The following ALPK1 variants were observed in gnomAD, a reference collection of about 807,000 sequenced individuals.
ALPK1 encodes alpha kinase 1, also known as alpha-protein kinase 1.
ALPK1 carries 110 observed loss-of-function variants against 120.6 expected under a neutral mutation model. The ratio of observed to expected loss-of-function variants is 0.91; its 90% CI spans 0.78 to 1.07. The LOEUF is 1.07. Among genes scored for constraint, ALPK1 ranks in the 50% least tolerant of loss-of-function variants. The probability of loss-of-function intolerance (pLI) is 0.00; values close to 1 mark genes in which losing one functional copy is unlikely to be tolerated. For missense variants in ALPK1, 1,498 were observed against 1,483.9 expected, an observed-to-expected ratio of 1.01 and a Z score of -0.16; for synonymous variants, 582 against 560.3, an observed-to-expected ratio of 1.04 and a Z score of -0.55.
chr4:112,370,182 A>G (rs866125271), intron 2 of ALPK1, among the ~76,000 whole-genome samples: 1 of 152,250 alleles, frequency 6.6e-6, no homozygotes, highest in African/African-American at 2.4e-5. Context: ...TTTGTCAATT[A>G]TCCCATAACT....
rs540312542 is a variant in ALPK1 at position 112,377,954 on chromosome 4, C to A, written c.121+56C>A. On this transcript the variant is annotated intron_variant, in intron 3 of 15. Transcript: ENST00000650871. The stretch of plus-strand genomic sequence containing the variant: ...AACCAGCAGGTTCACTCTCCTGTCC[C>A]CTGCCTGAACGACACGTTCTTATCT... 12 of 1,528,496 alleles carry A rather than the reference C, an allele frequency of 7.9e-6. No individual in the cohort carries two copies. The South Asian group carries it at 1.3e-4, about 16-fold the overall frequency. 94.7% of individuals were successfully genotyped at this position (1,528,496 alleles called of 1,614,324 possible).
intron 2 of ALPK1, among the ~76,000 whole-genome samples, chr4:112,319,306 C>T (rs916014748): frequency 1.3e-5 from 2 of 152,156 alleles, no homozygotes; most frequent in Non-Finnish European, 2.9e-5. Context: ...GGGTCATGTA[C>T]ATGTTCAGAA....
chr4:112,328,130 G>A (rs1324477761), intron 2 of ALPK1, among the ~76,000 whole-genome samples: 2 of 152,232 alleles, frequency 1.3e-5, no homozygotes, highest in East Asian at 3.8e-4. Context: ...TTGATGACAG[G>A]ACTTAGTAAA....
intron 4 of ALPK1, among the ~76,000 whole-genome samples, chr4:112,385,339 C>T (rs555271770): frequency 6.6e-6 from 1 of 152,156 alleles, no homozygotes; most frequent in Non-Finnish European, 1.5e-5. Flanking sequence ...ACACAAATTT[C>T]ACAATTGGAG....
At chr4:112,405,622 C>A (rs1318939161) in intron 4 of ALPK1, among the ~76,000 whole-genome samples, 1 of 152,138 alleles carries the variant, frequency 6.6e-6, no homozygotes, top group African/African-American at 2.4e-5. Flanking sequence ...GTCACCCAAG[C>A]TGGAATGCAA....
At chr4:112,329,065 T>C (rs1377430683) in intron 2 of ALPK1, among the ~76,000 whole-genome samples, 1 of 152,214 alleles carries the variant, frequency 6.6e-6, no homozygotes, top group Non-Finnish European at 1.5e-5. Context: ...TGTGCCGTTT[T>C]CATCCCTTTA....
intron 1 of ALPK1, among the ~76,000 whole-genome samples, chr4:112,311,498 C>A (rs1728399033): frequency 6.6e-6 from 1 of 152,180 alleles, no homozygotes; most frequent in Non-Finnish European, 1.5e-5. Context: ...CATCTCTCTA[C>A]CTCAGGCTGC....
chr4:112,422,529 C>G (rs1734045129), intron 5 of ALPK1, among the ~76,000 whole-genome samples: 2 of 152,200 alleles, frequency 1.3e-5, no homozygotes, highest in African/African-American at 4.8e-5. Flanking sequence ...AATTTCTTCA[C>G]TGCCTTTTGT....
At chr4:112,349,554 C>CA (rs1387460110) in intron 2 of ALPK1, among the ~76,000 whole-genome samples, 9 of 141,656 alleles carry the variant, frequency 6.4e-5, no homozygotes, top group Admixed American at 2.8e-4. Flanking sequence ...AACCCCTGCC[C>CA]CCCCCCGCTT....
In ALPK1 at chr4:112,431,693, T is replaced by C; in HGVS notation, c.2146T>C (p.Ser716Pro). 6.2e-7 allele frequency: 1 copy of C among 1,614,166 alleles called. No individual in the cohort carries two copies. The highest frequency in any genetic ancestry group is 8.5e-7 in the Non-Finnish European group (1 of 1,180,038). ...AAATACTTCTGCTCACTCCAGACCC[T>C]CATATCGTTCTGCTTCTTGGTCTTC... ...PRNTSAHSRPSYRSASWSSDS... is the reference protein window; with the variant it reads ...PRNTSAHSRPPYRSASWSSDS... The change falls in exon 11 of 16, where the codon TCA becomes CCA. Residue 716 changes from serine to proline, a missense_variant. Transcript: ENST00000650871.
rs146205084 is a variant in ALPK1, at chr4:112,438,607, T to A, written c.3312T>A (p.Ile1104=). The A allele has an allele frequency of 3.7e-6, 6 of 1,613,712 alleles. No individual in the cohort carries two copies. The African/African-American group carries it at 8.0e-5, about 22-fold the overall frequency. ...EFNKRLYEQN[I]PTQIFYIPST... Reference sequence around the variant, plus strand: ...ACAAGAGACTCTATGAACAAAACATTCCCACCCAGATATTCTACATCCCAT... The same window carrying A: ...ACAAGAGACTCTATGAACAAAACATACCCACCCAGATATTCTACATCCCAT... The change falls in exon 13 of 16, where the codon ATT becomes ATA. Residue 1104 remains isoleucine, a synonymous_variant. Coordinates refer to ENST00000650871, the MANE Select transcript of ALPK1 (RefSeq NM_025144.4).
rs146797239 is a variant in ALPK1 at position 112,351,826 on chromosome 4, G to A, written c.-100-25852G>A. On this transcript the variant is annotated intron_variant, in intron 2 of 15. Transcript: ENST00000650871. ...ATGAAAAGATAAGTTGAATTTCCTG[G>A]CAATCTAGTGTTTCTCAAACTAATA... is the stretch of plus-strand genomic sequence containing the variant. 3.1e-4 allele frequency among the ~76,000 whole-genome samples: 47 copies of A among 152,138 alleles called. No homozygotes were observed. The East Asian group carries it at 9.1e-3, about 29-fold the overall frequency.
At position 112,431,219 on chromosome 4, in the gene ALPK1, G is replaced by A. The variant is rs573629966; in HGVS notation, c.1672G>A (p.Glu558Lys). Residue 558 changes from glutamate (E) to lysine (K), a missense_variant, in exon 11 of 16, where the codon GAG (glutamate) becomes AAG (lysine). Coordinates refer to ENST00000650871, the MANE Select transcript of ALPK1 (RefSeq NM_025144.4). ...GGATCAAGATGTGGAGACTGAGACT[G>A]AGCCATCGGACTACAGCAATGGTGA... Reference protein sequence around the residue: ...SLDQDVETETEPSDYSNGEGA... With the variant: ...SLDQDVETETKPSDYSNGEGA... 4 of 1,614,168 alleles carry A rather than the reference G, an allele frequency of 2.5e-6. No individual in the cohort carries two copies. In the South Asian group the frequency reaches 4.4e-5, roughly 18 times the overall value.
intron 2 of ALPK1, among the ~76,000 whole-genome samples, chr4:112,319,254 G>A (rs926184436): frequency 5.9e-5 from 9 of 152,222 alleles, no homozygotes; most frequent in African/African-American, 2.2e-4. Flanking sequence ...GGTGTGTGCT[G>A]AGAGTAAGGA....
chr4:112,377,811 C>A lies in ALPK1; in HGVS notation c.34C>A (p.Gln12Lys). The A allele has an allele frequency of 6.2e-7, 1 of 1,613,214 alleles. No homozygotes were observed. The highest frequency in any genetic ancestry group is 8.5e-7 in the Non-Finnish European group (1 of 1,179,486). ...TCAAAAAGTGGTAGCTGTGCTACTG[C>A]AAGAGTGCAAGCAAGTGCTGGATCA... Reference protein sequence around the residue: ...NNQKVVAVLLQECKQVLDQLL... With the variant: ...NNQKVVAVLLKECKQVLDQLL... The change falls in exon 3 of 16, where the codon CAA (glutamine) becomes AAA (lysine). Residue 12 changes from glutamine (Q) to lysine (K), a missense_variant. Coordinates refer to ENST00000650871, the MANE Select transcript of ALPK1 (RefSeq NM_025144.4).
At chr4:112,327,410 A>T (rs1408955325) in intron 2 of ALPK1, among the ~76,000 whole-genome samples, 1 of 152,204 alleles carries the variant, frequency 6.6e-6, no homozygotes, top group Non-Finnish European at 1.5e-5. Flanking sequence ...TTTGTAATAA[A>T]AACATTAGTG....
At chr4:112,397,590 G>C (rs923250990) in intron 4 of ALPK1, among the ~76,000 whole-genome samples, 1 of 152,180 alleles carries the variant, frequency 6.6e-6, no homozygotes, top group Non-Finnish European at 1.5e-5. Flanking sequence ...CCCCTAACCT[G>C]TCTCAGTAGC....
At chr4:112,406,886 C>T (rs548885687) in intron 4 of ALPK1, among the ~76,000 whole-genome samples, 16 of 152,230 alleles carry the variant, frequency 1.1e-4, no homozygotes, top group South Asian at 2.1e-4. Context: ...AGTCATACTC[C>T]TTCTGTCCAA....
chr4:112,377,541 C>T, intron 2 of ALPK1, 137 bp from the exon 3 acceptor site: 1 of 290,270 alleles, frequency 3.4e-6, no homozygotes, highest in Non-Finnish European at 6.5e-6. Flanking sequence ...GCAGTAATTT[C>T]ACACACTCCT....
Sources: allele counts gnomAD v4.1 joint callset (sites outside exome capture counted in the v4.1 genomes callset), GRCh38; gene constraint gnomAD v4.1.1; transcripts MANE v1.5; gene names NCBI Gene and HGNC (gene_info 2026-07-23, HGNC 2026-07-21).